The following STK3 variants were observed in gnomAD, a reference collection of about 807,000 sequenced individuals.
STK3 encodes the protein serine/threonine-protein kinase 3.
A neutral mutation model predicts 58.0 loss-of-function variants in STK3; 41 were observed. That is an observed-to-expected ratio of 0.71 (90% CI 0.55 to 0.92). The LOEUF (loss-of-function observed/expected upper bound fraction) is 0.92. STK3 is among the 40% of genes least tolerant of loss of function. The pLI, the probability that STK3 is intolerant of heterozygous loss-of-function variation, is 0.00. For synonymous variants in STK3, 170 were observed against 191.0 expected (o/e 0.89, Z 0.91); for missense variants, 479 against 602.7 (o/e 0.79, Z 2.15).
intron 3 of STK3, among the ~76,000 whole-genome samples, chr8:98,836,710 G>T (rs982265254): frequency 2.0e-5 from 3 of 151,992 alleles, no homozygotes; most frequent in South Asian, 2.1e-4. Context: ...AGAATCCCAG[G>T]CCCCACTATA....
chr8:98,774,455 A>G (rs1831527522), intron 2 of STK3, among the ~76,000 whole-genome samples: 1 of 152,340 alleles, frequency 6.6e-6, no homozygotes, highest in Non-Finnish European at 1.5e-5. Flanking sequence ...ACGTATTAAT[A>G]AGAATGCCGT....
At chr8:98,918,063 G>C (rs953325853) in intron 1 of STK3, among the ~76,000 whole-genome samples, 1 of 152,194 alleles carries the variant, frequency 6.6e-6, no homozygotes, top group African/African-American at 2.4e-5. Flanking sequence ...TCTTTAAGAA[G>C]GGATAATAAT....
chr8:98,718,510 C>T (rs1315996907), intron 4 of STK3, among the ~76,000 whole-genome samples: 1 of 152,150 alleles, frequency 6.6e-6, no homozygotes, highest in Admixed American at 6.6e-5. Flanking sequence ...TCTAAAGCTG[C>T]ACCATCCAAC....
rs1372482162 is a variant in STK3, at chr8:98,428,011, AGGC to A, written n.483+6113_483+6115del. On this transcript the variant is annotated intron_variant and non_coding_transcript_variant, in intron 3 of 3. Coordinates refer to the STK3 transcript ENST00000517832. The surrounding 1 kb of genome is among the most constrained non-coding windows in gnomAD (Gnocchi z 6.7). The stretch of plus-strand genomic sequence containing the variant: ...GGCCAGAGCCTGTGGGACGTGTCGG[AGGC>A]TAACGTCGAGGACGGGGAGATCCGC... 2 of 1,587,914 alleles carry A rather than the reference AGGC, an allele frequency of 1.3e-6. No homozygotes were observed. The highest frequency in any genetic ancestry group is 2.3e-5 in the South Asian group (2 of 88,178).
At chr8:98,503,661 C>T (rs1332626187) in intron 10 of STK3, among the ~76,000 whole-genome samples, 1 of 152,084 alleles carries the variant, frequency 6.6e-6, no homozygotes, top group Non-Finnish European at 1.5e-5. Flanking sequence ...CGTTATGTAC[C>T]CAGTACTCAT....
chr8:98,897,544 G>A (rs544842979), intron 1 of STK3, among the ~76,000 whole-genome samples: 38 of 152,214 alleles, frequency 2.5e-4, no homozygotes, highest in Admixed American at 4.6e-4. Context: ...GCAGTGAGCC[G>A]AGATCGTGCC....
chr8:98,710,828 G>A (rs1826357026), intron 4 of STK3, among the ~76,000 whole-genome samples: 1 of 152,262 alleles, frequency 6.6e-6, no homozygotes. Flanking sequence ...TCTGAGAACA[G>A]ACAGACTGCC....
At chr8:98,674,069 ACACT>A (rs2130857963) in intron 6 of STK3, among the ~76,000 whole-genome samples, 1 of 152,328 alleles carries the variant, frequency 6.6e-6, no homozygotes, top group Admixed American at 6.5e-5. Context: ...TCCAAAAGAG[ACACT>A]CAGAGAGAAA....
At chr8:98,703,164 T>G (rs1825737524) in intron 6 of STK3, among the ~76,000 whole-genome samples, 1 of 152,202 alleles carries the variant, frequency 6.6e-6, no homozygotes, top group South Asian at 2.1e-4. Flanking sequence ...ATATTGTGAT[T>G]ACATGGTTTT....
At position 98,455,985 on chromosome 8, in the gene STK3, A is replaced by C; in HGVS notation, c.1333T>G (p.Leu445Val). The change falls in exon 11 of 11, where the codon TTA becomes GTA. Residue 445 changes from leucine (L) to valine (V), a missense_variant. Physicochemically the swap from Leu to Val is conservative, Grantham distance 32. Around this residue, in one of 3 missense-constraint regions of STK3, gnomAD observed 309 missense variants for 355.7 expected, o/e 0.87. Coordinates refer to ENST00000419617, the MANE Select transcript of STK3 (RefSeq NM_006281.4). Reference protein sequence around the residue: ...GDFDFLKNLSLEELQMRLKAL... With the variant: ...GDFDFLKNLSVEELQMRLKAL... ...TTTAACCGCATCTGTAGTTCTTCTAAACTTAGATTTTTCAACTAGATACAG... is the reference window on the plus strand; with the variant it reads ...TTTAACCGCATCTGTAGTTCTTCTACACTTAGATTTTTCAACTAGATACAG... 6.2e-7 allele frequency: 1 copy of C among 1,608,814 alleles called. No homozygotes were observed. Among genetic ancestry groups the C allele is most frequent in the Non-Finnish European group, 8.5e-7 (1 of 1,177,502 alleles).
chr8:98,357,298 G>A, the STK3 span, among the ~76,000 whole-genome samples: 13 of 152,144 alleles, frequency 8.5e-5, no homozygotes, highest in African/African-American at 2.4e-4. Flanking sequence ...TGGGTCTCCA[G>A]GTAAAACCAG....
chr8:98,605,902 C>T (rs908812635), intron 6 of STK3, among the ~76,000 whole-genome samples: 1 of 152,220 alleles, frequency 6.6e-6, no homozygotes. Context: ...GCACCTTCCC[C>T]CTTTCTCTCT....
intron 7 of STK3, among the ~76,000 whole-genome samples, chr8:98,584,520 C>G (rs947959553): frequency 4.0e-5 from 6 of 151,880 alleles, no homozygotes; most frequent in Non-Finnish European, 8.8e-5. Context: ...TGGGTTGGTT[C>G]CAAGTCTTTG....
intron 10 of STK3, among the ~76,000 whole-genome samples, chr8:98,468,603 T>C (rs1460379797): frequency 6.6e-6 from 1 of 152,202 alleles, no homozygotes; most frequent in Non-Finnish European, 1.5e-5. Context: ...TGCTCACAAA[T>C]GCTATGAATT....
At chr8:98,424,307 C>T (rs914068455) in intron 3 of STK3, among the ~76,000 whole-genome samples, 9 of 152,240 alleles carry the variant, frequency 5.9e-5, no homozygotes, top group African/African-American at 2.2e-4. Flanking sequence ...TTGTCCCTGA[C>T]CCCAAACTCA....
At chr8:98,911,185 T>C (rs1015017520) in intron 1 of STK3, among the ~76,000 whole-genome samples, 14 of 152,218 alleles carry the variant, frequency 9.2e-5, no homozygotes, top group African/African-American at 3.1e-4. Flanking sequence ...AATGAGCGGA[T>C]TGGTCGTTCT....
downstream of STK3, chr8:98,880,388 C>A (rs1311521597): frequency 6.6e-6 from 1 of 152,142 alleles, no homozygotes; most frequent in Non-Finnish European, 1.5e-5. Context: ...TATCAAATGG[C>A]AAATTTCAAC....
chr8:98,355,019 C>T, the STK3 span, among the ~76,000 whole-genome samples: 11 of 152,228 alleles, frequency 7.2e-5, no homozygotes, highest in East Asian at 1.4e-3. Context: ...TCAGGTGACC[C>T]GCCTGCTGGG....
At chr8:98,572,724 T>C (rs569089694) in intron 8 of STK3, among the ~76,000 whole-genome samples, 1 of 152,326 alleles carries the variant, frequency 6.6e-6, no homozygotes, top group South Asian at 2.1e-4. Context: ...ACATATTGTA[T>C]ATTTTCTATG....
Sources: allele counts gnomAD v4.1 joint callset (sites outside exome capture counted in the v4.1 genomes callset), GRCh38; gene constraint gnomAD v4.1.1; regional missense constraint gnomAD v4.1.1; non-coding constraint Gnocchi (gnomAD v3.1); transcripts MANE v1.5; gene names NCBI Gene and HGNC (gene_info 2026-07-23, HGNC 2026-07-21).